The following GREB1L variants were observed in gnomAD, a reference collection of about 807,000 sequenced individuals.
The protein encoded by GREB1L is GREB1-like protein.
In GREB1L, 17 loss-of-function variants were observed where a neutral mutation model predicts 200.8. The ratio of observed to expected loss-of-function variants is 0.08; its 90% confidence interval spans 0.06 to 0.13. The LOEUF (loss-of-function observed/expected upper bound fraction) is 0.13. GREB1L is among the 10% of genes least tolerant of loss of function. GREB1L has a pLI of 1.00. For synonymous variants in GREB1L, 789 were observed against 893.0 expected (o/e 0.88, Z 2.08); for missense variants, 1,657 against 2,367.7 (o/e 0.70, Z 6.23).
intron 19 of GREB1L, 29 bp downstream of exon 19, chr18:21,490,380 A>G: frequency 6.6e-7 from 1 of 1,521,538 alleles, no homozygotes; most frequent in African/African-American, 1.4e-5. Context: ...TTTCTCCTTT[A>G]AAATACCATT....
At chr18:21,467,832 G>A (rs1485940762) in intron 15 of GREB1L, among the ~76,000 whole-genome samples, 2 of 152,084 alleles carry the variant, frequency 1.3e-5, no homozygotes, top group African/African-American at 4.8e-5. Flanking sequence ...AGAGCATTCT[G>A]GCTAACACAG....
rs55641891 is a variant in GREB1L, at chr18:21,525,012, G to GTGTGTGTATATATATATATATA, written c.*2192_*2193insGTGTGTATATATATATATATAT. On this transcript the variant is annotated 3_prime_UTR_variant, in exon 33 of 33. Coordinates refer to ENST00000424526, the MANE Select transcript of GREB1L (RefSeq NM_001142966.3). ...AAGCACAGGACACCATGATTTGTGT[G>GTGTGTGTATATATATATATATA]TATATATATATATATCCTAGTGTGT... 7 of 145,122 alleles carry GTGTGTGTATATATATATATATA rather than the reference G, an allele frequency of 4.8e-5. No homozygotes were observed. The highest frequency in any genetic ancestry group is 1.5e-4 in the African/African-American group (6 of 40,128). The allele number at this position is 145,122 out of a possible 1,614,324, so 9.0% of individuals were successfully genotyped here.
chr18:21,431,063 C>G (rs1202354464), intron 7 of GREB1L, among the ~76,000 whole-genome samples: 1 of 149,080 alleles, frequency 6.7e-6, no homozygotes, highest in Non-Finnish European at 1.5e-5. Flanking sequence ...GTTCTGTCAC[C>G]CAGGCTGGAG....
intron 1 of GREB1L, among the ~76,000 whole-genome samples, chr18:21,287,887 C>T (rs371955101): frequency 4.0e-5 from 6 of 151,500 alleles, no homozygotes; most frequent in East Asian, 1.9e-4. Flanking sequence ...CTCCGCCTCC[C>T]GGGTTCAAGT....
intron 19 of GREB1L, among the ~76,000 whole-genome samples, chr18:21,491,438 A>G (rs7226617): frequency 1.3e-5 from 2 of 152,050 alleles, no homozygotes; most frequent in African/African-American, 4.8e-5. Flanking sequence ...GGCTGGGCGC[A>G]GTGGCTCATG....
chr18:21,384,360 C>T lies in GREB1L; in HGVS notation c.312C>T (p.Pro104=). ...EMSDSNSPPI[P]YSQKPAPEGS... ...CTGATTCAAACAGCCCACCAATTCC[C>T]TATTCACAAAAACCTGCCCCAGAAG... Residue 104 remains proline, a synonymous_variant, in exon 4 of 33, where the codon CCC becomes CCT. Transcript: ENST00000424526. 6.4e-7 allele frequency: 1 copy of T among 1,551,772 alleles called. No individual in the cohort carries two copies. Among genetic ancestry groups the T allele is most frequent in the Non-Finnish European group, 8.7e-7 (1 of 1,146,990 alleles).
At chr18:21,464,338 G>A (rs2035179482) in intron 15 of GREB1L, among the ~76,000 whole-genome samples, 1 of 151,822 alleles carries the variant, frequency 6.6e-6, no homozygotes, top group African/African-American at 2.4e-5. Flanking sequence ...GACTATCCTG[G>A]TCTCTACCAT....
At chr18:21,521,504 A>T (rs1017652607) in intron 32 of GREB1L, among the ~76,000 whole-genome samples, 27 of 152,074 alleles carry the variant, frequency 1.8e-4, no homozygotes, top group Admixed American at 1.6e-3. Context: ...GAACAGGGAG[A>T]GGGGTTGTGC....
intron 7 of GREB1L, among the ~76,000 whole-genome samples, chr18:21,415,430 C>T (rs1045494657): frequency 1.3e-5 from 2 of 152,014 alleles, no homozygotes; most frequent in Admixed American, 6.6e-5. Flanking sequence ...GCAGTAGGAA[C>T]GCTTGAGGCT....
intron 4 of GREB1L, among the ~76,000 whole-genome samples, chr18:21,384,613 G>A (rs1283954129): frequency 2.0e-5 from 3 of 152,164 alleles, no homozygotes; most frequent in African/African-American, 7.2e-5. Flanking sequence ...CATCTTAACA[G>A]ATAAAGAGAC....
chr18:21,280,247 T>G (rs1029342140), intron 1 of GREB1L, among the ~76,000 whole-genome samples: 16 of 152,248 alleles, frequency 1.1e-4, no homozygotes, highest in Non-Finnish European at 1.9e-4. Flanking sequence ...TAGGTCTTAC[T>G]GCCTCTTGAA....
At chr18:21,415,128 G>T (rs564507204) in intron 7 of GREB1L, among the ~76,000 whole-genome samples, 1 of 152,138 alleles carries the variant, frequency 6.6e-6, no homozygotes, top group Non-Finnish European at 1.5e-5. Context: ...AAAGAAGAGA[G>T]AAACCCACAG....
At chr18:21,380,994 G>A (rs1358315667) in intron 2 of GREB1L, among the ~76,000 whole-genome samples, 1 of 152,200 alleles carries the variant, frequency 6.6e-6, no homozygotes, top group Non-Finnish European at 1.5e-5. Context: ...TGTAATCCCA[G>A]CACTTTGGAA....
intron 6 of GREB1L, among the ~76,000 whole-genome samples, chr18:21,402,457 T>G (rs1212657334): frequency 1.3e-5 from 2 of 151,496 alleles, no homozygotes; most frequent in African/African-American, 4.9e-5. Context: ...CTTTCTTCCT[T>G]CCTTTCCTTT....
chr18:21,256,532 C>T (rs2037800969), intron 1 of GREB1L, among the ~76,000 whole-genome samples: 1 of 152,170 alleles, frequency 6.6e-6, no homozygotes, highest in Admixed American at 6.6e-5. Flanking sequence ...ACTACATTCT[C>T]TGGTAGGCTC....
intron 15 of GREB1L, among the ~76,000 whole-genome samples, chr18:21,467,841 A>G (rs575737994): frequency 1.1e-4 from 16 of 152,046 alleles, no homozygotes; most frequent in East Asian, 1.9e-4. Context: ...TGGCTAACAC[A>G]GTGAAACCCT....
chr18:21,422,845 G>C (rs993859310), intron 7 of GREB1L, among the ~76,000 whole-genome samples: 1 of 152,086 alleles, frequency 6.6e-6, no homozygotes, highest in Non-Finnish European at 1.5e-5. Context: ...CTCCTAACAG[G>C]TTGTACCAAT....
intron 2 of GREB1L, among the ~76,000 whole-genome samples, chr18:21,377,266 A>G (rs112286237): frequency 8.3e-5 from 12 of 144,352 alleles, no homozygotes; most frequent in African/African-American, 2.5e-4. Flanking sequence ...GGTTGGAAGG[A>G]AAAAAAAAAA....
chr18:21,408,863 C>T (rs966481129), intron 7 of GREB1L, among the ~76,000 whole-genome samples: 14 of 148,348 alleles, frequency 9.4e-5, no homozygotes, highest in African/African-American at 3.5e-4. Context: ...ATAAAAAAGA[C>T]AGTAACAAGT....
Sources: allele counts gnomAD v4.1 joint callset (sites outside exome capture counted in the v4.1 genomes callset), GRCh38; gene constraint gnomAD v4.1.1; transcripts MANE v1.5; gene names NCBI Gene and HGNC (gene_info 2026-07-23, HGNC 2026-07-21).